FAM149A: variants seen among roughly 807,000 people sequenced by gnomAD.
FAM149A encodes the protein protein FAM149A.
Under a neutral mutation model 78.2 loss-of-function variants are expected in FAM149A, and 71 were observed. That is an observed-to-expected ratio of 0.91 (90% CI 0.75 to 1.11). FAM149A has a LOEUF of 1.11. Ranked by LOEUF, FAM149A falls within the 50% of genes least tolerant of loss-of-function variation. The pLI is 0.00. For synonymous variants in FAM149A, 446 were observed against 410.5 expected (o/e 1.09, Z -1.04); for missense variants, 1,036 against 971.0 (o/e 1.07, Z -0.89).
intron 4 of FAM149A, chr4:186,153,228 C>T: frequency 1.0e-6 from 1 of 975,352 alleles, no homozygotes; most frequent in Non-Finnish European, 1.2e-6. Context: ...GGTACATAAG[C>T]CAAGTGTGCA....
At chr4:186,113,689 T>C (rs2099312281) in intron 1 of FAM149A, among the ~76,000 whole-genome samples, 1 of 150,588 alleles carries the variant, frequency 6.6e-6, no homozygotes, top group African/African-American at 2.4e-5. Context: ...TCAGTTTCCA[T>C]GTAGTTGAGC....
chr4:186,127,509 A>G (rs1214511174), intron 1 of FAM149A: 5 of 985,274 alleles, frequency 5.1e-6, no homozygotes, highest in Non-Finnish European at 6.0e-6. Flanking sequence ...GGTTCTGTCT[A>G]GTGGCTTTCA....
intron 7 of FAM149A, among the ~76,000 whole-genome samples, chr4:186,156,738 G>A (rs1031150631): frequency 3.3e-5 from 5 of 152,148 alleles, no homozygotes; most frequent in Non-Finnish European, 7.3e-5. Flanking sequence ...ACCAAGGCAG[G>A]AGAATTACTT....
intron 1 of FAM149A, among the ~76,000 whole-genome samples, chr4:186,143,510 T>G (rs1425070478): frequency 3.3e-5 from 5 of 152,148 alleles, no homozygotes; most frequent in Non-Finnish European, 7.4e-5. Flanking sequence ...GTGGGGAGGA[T>G]TCCAGTGTTC....
At chr4:186,107,409 T>C (rs1043200441) in intron 1 of FAM149A, 1 of 152,200 alleles carries the variant, frequency 6.6e-6, no homozygotes, top group Non-Finnish European at 1.5e-5. Context: ...AGTGAAGAAA[T>C]TGAATTTTTA....
In FAM149A at chr4:186,105,567, C is replaced by T. The variant is rs1163487094; in HGVS notation, c.491C>T (p.Pro164Leu). 1.8e-6 allele frequency: 2 copies of T among 1,121,508 alleles called. 1 individual carries two copies. Among genetic ancestry groups the T allele is most frequent in the Non-Finnish European group, 2.2e-6 (2 of 912,108 alleles). 69.5% of individuals were successfully genotyped at this position (1,121,508 alleles called of 1,614,324 possible). The change falls in exon 1 of 14, where the codon CCC (proline) becomes CTC (leucine). Residue 164 changes from proline (P) to leucine (L), a missense_variant. Around this residue, in one of 3 missense-constraint regions of FAM149A, gnomAD observed 316 missense variants for 241.9 expected, o/e 1.31. Transcript: ENST00000389354. ...GCCTGCGTGGCCCCCGGGGCTGGCC[C>T]CAGAACCCTGTTCCTTACGCTGCCT...
chr4:186,169,746 C>T lies in FAM149A; in HGVS notation c.2219-2168C>T, dbSNP rs180926224. 4,233 of 985,374 alleles carry T rather than the reference C, an allele frequency of 4.3e-3. 11 individuals carry two copies. The highest frequency in any genetic ancestry group is 4.8e-3 in the Non-Finnish European group (3,955 of 829,904). 61.0% of individuals were successfully genotyped at this position (985,374 alleles called of 1,614,324 possible). On this transcript the variant is annotated intron_variant, in intron 13 of 13. Transcript: ENST00000389354. ...GGACTGCAGTGACCCCCACTGGGGG[C>T]GTCCAGAGGAGTTACATTAACACGT... is the stretch of plus-strand genomic sequence containing the variant.
intron 1 of FAM149A, among the ~76,000 whole-genome samples, chr4:186,133,744 C>G (rs1371866531): frequency 6.6e-6 from 1 of 152,170 alleles, no homozygotes; most frequent in Non-Finnish European, 1.5e-5. Context: ...CAACCCTGAC[C>G]TCCTGGGCTC....
chr4:186,148,999 G>GGTGTGT (rs70964919), intron 1 of FAM149A, among the ~76,000 whole-genome samples, 174 bp from the exon 2 acceptor site: 1,796 of 148,074 alleles, frequency 0.012, 37 homozygotes, highest in African/African-American at 0.039. Flanking sequence ...ATCAGGATGG[G>GGTGTGT]GTGTGTGTGT....
At chr4:186,149,496 A>G (rs1733304414) in intron 2 of FAM149A, 70 bp from the exon 3 acceptor site, 1 of 1,263,712 alleles carries the variant, frequency 7.9e-7, no homozygotes. Flanking sequence ...AGGCTCAGAA[A>G]AGTGAAGCCA....
intron 8 of FAM149A, chr4:186,158,815 G>A (rs1467140673): frequency 4.0e-6 from 4 of 1,006,356 alleles, no homozygotes; most frequent in African/African-American, 1.7e-5. Flanking sequence ...TCAGGCCCCT[G>A]AATGAGGAGG....
chr4:186,169,887 G>T (rs1030119986), intron 13 of FAM149A: 1 of 985,350 alleles, frequency 1.0e-6, no homozygotes, highest in African/African-American at 1.7e-5. Context: ...TTAGAAGAGA[G>T]AATGCAGCCA....
chr4:186,142,691 A>T (rs1309285849), intron 1 of FAM149A, among the ~76,000 whole-genome samples: 1 of 152,162 alleles, frequency 6.6e-6, no homozygotes, highest in Non-Finnish European at 1.5e-5. Context: ...TGCATGAGAG[A>T]AGGCTCAACT....
intron 1 of FAM149A, among the ~76,000 whole-genome samples, chr4:186,113,513 TTTCTC>T (rs1194966683): frequency 2.5e-5 from 3 of 117,702 alleles, no homozygotes; most frequent in African/African-American, 9.8e-5. Flanking sequence ...TCTTTCCTGC[TTTCTC>T]TTCTGGGCAT....
At chr4:186,128,189 A>G (rs543714160) in intron 1 of FAM149A, among the ~76,000 whole-genome samples, 149 of 151,912 alleles carry the variant, frequency 9.8e-4, no homozygotes, top group African/African-American at 3.5e-3. Context: ...TGGCTTCACC[A>G]TGTTAGCCAG....
rs113979356 is a variant in FAM149A at position 186,108,413 on chromosome 4, T to TAA, written c.566+2782_566+2783dup. 2.5e-3 allele frequency among the ~76,000 whole-genome samples: 351 copies of TAA among 140,710 alleles called. 1 individual carries two copies. The highest frequency in any genetic ancestry group is 6.8e-3 in the African/African-American group (268 of 39,572). 92.3% of individuals were successfully genotyped at this position (140,710 alleles called of 152,430 possible). A position where few individuals can be genotyped will look rare whatever the true frequency, so the allele number is the denominator to read the frequency against. On this transcript the variant is annotated intron_variant, in intron 1 of 13. Coordinates refer to ENST00000389354, the MANE Select transcript of FAM149A (RefSeq NM_001367768.3). ...ATTTGCCTGATTCTGTACTTGGCTT[T>TAA]AAAAAAAAAAAACAAAAAACTAAAA...
Position 186,108,849 on chromosome 4 carries a change from GGTTT to G in FAM149A, c.566+3208_566+3211del, listed in dbSNP as rs570622372. ...TGTAAAGGTCTTATTCTCAATCTCT[GGTTT>G]TTTTTTTTTTTTGAGACGGAGTCTT... On this transcript the variant is annotated intron_variant, in intron 1 of 13. Transcript: ENST00000389354. Among the ~76,000 whole-genome samples, 774 of 144,754 alleles carry G rather than the reference GGTTT, an allele frequency of 5.3e-3. 9 individuals are homozygous for G. Among genetic ancestry groups the G allele is most frequent in the African/African-American group, 0.019 (742 of 40,106 alleles). 95.0% of individuals were successfully genotyped at this position (144,754 alleles called of 152,430 possible). A position where few individuals can be genotyped will look rare whatever the true frequency, so the allele number is the denominator to read the frequency against.
intron 3 of FAM149A, among the ~76,000 whole-genome samples, chr4:186,151,496 G>C (rs1410195076): frequency 6.6e-6 from 1 of 152,088 alleles, no homozygotes; most frequent in Non-Finnish European, 1.5e-5. Context: ...AAAAAATCTT[G>C]TATTTTGCAG....
At position 186,172,064 on chromosome 4, in the gene FAM149A, G is replaced by A. The variant is rs757763634; in HGVS notation, c.*77G>A. The A allele has an allele frequency of 6.4e-7, 1 of 1,567,666 alleles. No homozygotes were observed. On this transcript the variant is annotated 3_prime_UTR_variant, in exon 14 of 14. Coordinates refer to ENST00000389354, the MANE Select transcript of FAM149A (RefSeq NM_001367768.3). ...TCACTTGAAAAATGGAGGAACAAGT[G>A]TTATATTTATCTGTGTGTCTGACAG...
Sources: allele counts gnomAD v4.1 joint callset (sites outside exome capture counted in the v4.1 genomes callset), GRCh38; gene constraint gnomAD v4.1.1; regional missense constraint gnomAD v4.1.1; transcripts MANE v1.5; gene names NCBI Gene and HGNC (gene_info 2026-07-23, HGNC 2026-07-21).